CAPG: variants seen among roughly 807,000 people sequenced by gnomAD.
CAPG encodes the protein capping actin protein, gelsolin like.
CAPG carries 32 observed loss-of-function variants against 44.6 expected under a neutral mutation model. The ratio of observed to expected loss-of-function variants is 0.72; its 90% CI spans 0.54 to 0.96. The LOEUF (loss-of-function observed/expected upper bound fraction) is 0.96. CAPG is among the 50% of genes least tolerant of loss of function. CAPG has a pLI of 0.00. For missense variants in CAPG, 412 were observed against 438.3 expected (o/e 0.94, Z 0.54); for synonymous variants, 175 against 179.6 (o/e 0.97, Z 0.20).
In CAPG at chr2:85,398,787, AG is replaced by A. The variant is rs1686735641; in HGVS notation, c.667-6del. 1.3e-6 allele frequency: 2 copies of A among 1,593,740 alleles called. No homozygotes were observed. Among genetic ancestry groups the A allele is most frequent in the Non-Finnish European group, 1.7e-6 (2 of 1,168,888 alleles). On this transcript the variant is annotated splice_region_variant and splice_polypyrimidine_tract_variant and intron_variant, in intron 6 of 9. Coordinates refer to ENST00000263867, the MANE Select transcript of CAPG (RefSeq NM_001747.4). Reference sequence around the variant, plus strand: ...AGCAGGCTTGGGGCCCAGGACCTGCAGGGGCCAGGGCAGGCCAGGTTTATAG... The same window carrying A: ...AGCAGGCTTGGGGCCCAGGACCTGCAGGGCCAGGGCAGGCCAGGTTTATAG...
rs576019843 is a variant in CAPG at position 85,404,262 on chromosome 2, C to T, written c.-13-2104G>A. 1.6e-4 allele frequency among the ~76,000 whole-genome samples: 23 copies of T among 148,170 alleles called. No individual in the cohort carries two copies. In the South Asian group the frequency reaches 2.8e-3, roughly 18 times the overall value. On this transcript the variant is annotated intron_variant, in intron 1 of 9. Coordinates refer to ENST00000263867, the MANE Select transcript of CAPG (RefSeq NM_001747.4). Reference sequence around the variant, plus strand: ...TAAATTTAAAATAAATAAATAAAGCCGCTCACAACGCAAAAAAAAAAAAAA... The same window carrying T: ...TAAATTTAAAATAAATAAATAAAGCTGCTCACAACGCAAAAAAAAAAAAAA...
At chr2:85,404,521 T>C (rs1283388848) in intron 1 of CAPG, among the ~76,000 whole-genome samples, 1 of 151,872 alleles carries the variant, frequency 6.6e-6, no homozygotes, top group Non-Finnish European at 1.5e-5. Flanking sequence ...GAGGCCGAGG[T>C]GGGTGGATCA....
chr2:85,401,763 TC>T lies in CAPG; in HGVS notation c.196+21del, dbSNP rs759583335. On this transcript the variant is annotated intron_variant, in intron 3 of 9. Coordinates refer to ENST00000263867, the MANE Select transcript of CAPG (RefSeq NM_001747.4). ...TCCCTCCCCTTCCTGGGCCCAACCT[TC>T]CCCCATCCAGATCCCCTTACCTATC... 3.7e-6 allele frequency: 6 copies of T among 1,612,080 alleles called. No individual in the cohort carries two copies. The African/African-American group carries it at 8.0e-5, about 22-fold the overall frequency.
At chr2:85,393,633 C>T (rs1469255145), downstream of CAPG, among the ~76,000 whole-genome samples, 2 of 152,098 alleles carry the variant, frequency 1.3e-5, no homozygotes, top group Admixed American at 1.3e-4. Context: ...GGTGCAATCT[C>T]GGCTCACTGC....
chr2:85,400,371 G>T lies in CAPG; in HGVS notation c.516+794C>A, dbSNP rs1374843062. On this transcript the variant is annotated intron_variant, in intron 5 of 9. Transcript: ENST00000263867. ...GGTCTGTTCACCTGTCCCCTTCCTT[G>T]TCTCAGCACGTGTAGTCCTCACCAA... Among the ~76,000 whole-genome samples the T allele has an allele frequency of 2.0e-5, 3 of 152,238 alleles. No individual in the cohort carries two copies. The East Asian group carries it at 5.8e-4, about 29-fold the overall frequency.
At position 85,399,155 on chromosome 2, in the gene CAPG, T is replaced by C; in HGVS notation, c.647A>G (p.Glu216Gly). Residue 216 changes from glutamate to glycine, a missense_variant, in exon 6 of 10, where the codon GAG becomes GGG. Transcript: ENST00000263867. The part of the protein sequence containing the change: ...AQVEIVTDGE[E>G]PAEMIQVLGP... ...CCCAACCTGGATCATCTCAGCAGGC[T>C]CCTCCCCATCAGTGACAATCTCCAC... is the stretch of plus-strand genomic sequence containing the variant. 3 of 1,614,088 alleles carry C rather than the reference T, an allele frequency of 1.9e-6. No homozygotes were observed. The highest frequency in any genetic ancestry group is 2.2e-5 in the East Asian group (1 of 44,874).
chr2:85,409,794 A>T (rs1240461106), intron 1 of CAPG: 2 of 152,150 alleles, frequency 1.3e-5, no homozygotes, highest in Non-Finnish European at 2.9e-5. Context: ...ACCCTCAGCC[A>T]AGGTCTTCCA....
upstream of CAPG, chr2:85,419,319 C>G (rs536671649): frequency 6.6e-6 from 1 of 152,472 alleles, no homozygotes; most frequent in Non-Finnish European, 1.5e-5. Context: ...AAGCACTCTC[C>G]TCACACCTCA....
At position 85,401,645 on chromosome 2, in the gene CAPG, C is replaced by G; in HGVS notation, c.235G>C (p.Val79Leu). The change falls in exon 4 of 10, where the codon GTG becomes CTG. Residue 79 changes from valine (V) to leucine (L), a missense_variant. By Grantham distance (32) the Val-to-Leu change is conservative. Transcript: ENST00000263867. ...AGCGTGTTGAGGTGCACAGCCAGCA[C>G]GGCACAGGCCCCCTGCTCATCCCGG... ...SSRDEQGACAVLAVHLNTLLG... is the reference protein window; with the variant it reads ...SSRDEQGACALLAVHLNTLLG... 6.2e-7 allele frequency: 1 copy of G among 1,614,130 alleles called. No individual in the cohort carries two copies. Among genetic ancestry groups the G allele is most frequent in the South Asian group, 1.1e-5 (1 of 91,080 alleles).
chr2:85,417,326 A>G (rs966986534), intron 1 of CAPG, among the ~76,000 whole-genome samples: 3 of 152,184 alleles, frequency 2.0e-5, no homozygotes, highest in African/African-American at 7.2e-5. Flanking sequence ...AAAGAGAGAT[A>G]AAGTAGGTCA....
chr2:85,401,472 G>A (rs1336403188), intron 4 of CAPG, 57 bp downstream of exon 4: 2 of 1,598,332 alleles, frequency 1.3e-6, no homozygotes, highest in Non-Finnish European at 1.7e-6. Context: ...CCAGCCAGAA[G>A]CAGGGCTGGC....
chr2:85,401,747 T>C (rs760621075), intron 3 of CAPG, 38 bp downstream of exon 3: 3 of 1,610,240 alleles, frequency 1.9e-6, no homozygotes, highest in East Asian at 4.5e-5. Flanking sequence ...CTCCCTCCCC[T>C]TCCTGGGCCC....
intron 1 of CAPG, among the ~76,000 whole-genome samples, chr2:85,404,618 T>C (rs1334473036): frequency 6.6e-6 from 1 of 151,948 alleles, no homozygotes; most frequent in East Asian, 1.9e-4. Flanking sequence ...CATGGTGGCA[T>C]GCGTCTGTAA....
chr2:85,398,909 G>A (rs746236964), intron 6 of CAPG, 127 bp from the exon 7 acceptor site: 95 of 823,376 alleles, frequency 1.2e-4, no homozygotes, highest in Non-Finnish European at 1.8e-4. Flanking sequence ...CAGCAGAGGT[G>A]AGGTGAGTGA....
Position 85,399,168 on chromosome 2 carries a change from T to G in CAPG, c.634A>C (p.Thr212Pro), listed in dbSNP as rs766766490. 5.0e-6 allele frequency: 8 copies of G among 1,614,080 alleles called. 1 individual carries two copies. ...ATCTCAGCAGGCTCCTCCCCATCAG[T>G]GACAATCTCCACCTGGGCCTTGCCC... ...RQGKAQVEIV[T>P]DGEEPAEMIQ... Residue 212 changes from threonine (T) to proline (P), a missense_variant, in exon 6 of 10, where the codon ACT (threonine) becomes CCT (proline). Thr to Pro is a conservative substitution (Grantham distance 38). Transcript: ENST00000263867.
Position 85,415,802 on chromosome 2 carries a change from T to C in CAPG, c.-14+2465A>G, listed in dbSNP as rs187353893. 2.0e-5 allele frequency among the ~76,000 whole-genome samples: 3 copies of C among 152,322 alleles called. No homozygotes were observed. The East Asian group carries it at 5.8e-4, about 29-fold the overall frequency. Reference sequence around the variant, plus strand: ...GAAACGAGAACAGAAGCCCCAGTCCTCCTACCTTGGAAGGTTGTGAGGATT... The same window carrying C: ...GAAACGAGAACAGAAGCCCCAGTCCCCCTACCTTGGAAGGTTGTGAGGATT... On this transcript the variant is annotated intron_variant, in intron 1 of 5. Transcript: ENST00000409275.
intron 1 of CAPG, among the ~76,000 whole-genome samples, chr2:85,417,576 G>C (rs1165759305): frequency 2.7e-5 from 4 of 148,708 alleles, no homozygotes; most frequent in African/African-American, 7.5e-5. Context: ...TCCGCCTCCT[G>C]AGTTCAAGCA....
intron 5 of CAPG, among the ~76,000 whole-genome samples, chr2:85,399,739 T>C (rs1246806891): frequency 6.9e-6 from 1 of 145,818 alleles, no homozygotes; most frequent in African/African-American, 2.6e-5. Context: ...TCTTTCTTTT[T>C]CTTTTTTTTT....
intron 8 of CAPG, among the ~76,000 whole-genome samples, chr2:85,396,452 T>G (rs1162494885): frequency 6.6e-6 from 1 of 152,114 alleles, no homozygotes; most frequent in Admixed American, 6.6e-5. Context: ...GATGCCGTGA[T>G]GTGGTTGGCT....
Sources: gnomAD v4.1 joint callset for allele counts (sites outside exome capture counted in the v4.1 genomes callset) on GRCh38, gnomAD v4.1.1 for gene constraint, MANE v1.5 for transcripts, NCBI Gene and HGNC (gene_info 2026-07-23, HGNC 2026-07-21) for gene names.